Variants in TSPAN9 observed in about 807,000 individuals in gnomAD.
The protein encoded by TSPAN9 is tetraspanin 9.
A neutral mutation model predicts 31.0 loss-of-function variants in TSPAN9; 16 were observed. The observed-to-expected ratio is 0.52, with a 90% CI of 0.35 to 0.78. TSPAN9 has a LOEUF of 0.78. TSPAN9 is among the 30% of genes least tolerant of loss of function. TSPAN9 has a pLI of 0.01. For missense variants in TSPAN9, 272 were observed against 312.5 expected, an observed-to-expected ratio of 0.87 and a Z score of 0.98; for synonymous variants, 145 against 121.6, an observed-to-expected ratio of 1.19 and a Z score of -1.27.
At chr12:3,174,874 A>C (rs112951387) in intron 2 of TSPAN9, among the ~76,000 whole-genome samples, 1 of 151,848 alleles carries the variant, frequency 6.6e-6, no homozygotes, top group African/African-American at 2.4e-5. Flanking sequence ...GAGCCACCGC[A>C]CCCGGCCTCA....
Position 3,226,761 on chromosome 12 carries a change from TATATATATATATATATATATATATATA to T in TSPAN9, c.63+25506_63+25532del, listed in dbSNP as rs1565622479. 5.0e-3 allele frequency among the ~76,000 whole-genome samples: 9 copies of T among 1,784 alleles called. 2 individuals carry two copies. Among genetic ancestry groups the T allele is most frequent in the Non-Finnish European group, 6.5e-3 (5 of 764 alleles). 1.2% of individuals were successfully genotyped at this position (1,784 alleles called of 152,430 possible). ...GTGTGTGTGTATATATATATATATA[TATATATATATATATATATATATATATA>T]TATATATTTTTTTTTTTTTTTCCCT... is the stretch of plus-strand genomic sequence containing the variant. On this transcript the variant is annotated intron_variant, in intron 3 of 8. Coordinates refer to ENST00000011898, the MANE Select transcript of TSPAN9 (RefSeq NM_006675.5).
chr12:3,194,121 C>T (rs371025176), intron 2 of TSPAN9, among the ~76,000 whole-genome samples: 4 of 152,304 alleles, frequency 2.6e-5, no homozygotes, highest in African/African-American at 7.2e-5. Context: ...CTTTCCCCTC[C>T]GTCCTCCAGC....
intron 2 of TSPAN9, among the ~76,000 whole-genome samples, chr12:3,145,562 G>T (rs1333254113): frequency 5.3e-5 from 8 of 152,188 alleles, no homozygotes; most frequent in Non-Finnish European, 1.2e-4. Context: ...TGAGTCCCAG[G>T]TGAAGAGAAA....
chr12:3,138,444 C>T (rs1046241403), intron 2 of TSPAN9, among the ~76,000 whole-genome samples: 2 of 151,462 alleles, frequency 1.3e-5, no homozygotes, highest in Non-Finnish European at 2.9e-5. Context: ...TGTCTCCTCG[C>T]TGGGCTCTCT....
intron 3 of TSPAN9, among the ~76,000 whole-genome samples, chr12:3,239,604 A>C (rs536553196): frequency 6.6e-6 from 1 of 152,216 alleles, no homozygotes; most frequent in Non-Finnish European, 1.5e-5. Context: ...TTTTAGAAGT[A>C]GAAAGTCTCT....
Position 3,118,151 on chromosome 12 carries a change from AGCATGTAGAACCCCCCCG to A in TSPAN9, c.-18+34443_-18+34460del, listed in dbSNP as rs1444858541. Among the ~76,000 whole-genome samples the A allele has an allele frequency of 4.0e-5, 6 of 151,576 alleles. No individual in the cohort carries two copies. In the East Asian group the frequency reaches 7.8e-4, roughly 20 times the overall value. On this transcript the variant is annotated intron_variant, in intron 2 of 8. Coordinates refer to ENST00000011898, the MANE Select transcript of TSPAN9 (RefSeq NM_006675.5). ...AAATGTGAAGTGAGTTGATACGTGA[AGCATGTAGAACCCCCCCG>A]GCATGTAGAAAATCCTCATCCTCAT...
intron 2 of TSPAN9, among the ~76,000 whole-genome samples, chr12:3,191,610 G>A (rs12299586): frequency 0.039 from 5,879 of 152,196 alleles, 370 homozygotes; most frequent in African/African-American, 0.13. Flanking sequence ...GGAAAGCCCC[G>A]GAAGCCCTCC....
intron 3 of TSPAN9, among the ~76,000 whole-genome samples, chr12:3,240,842 A>G (rs543787135): frequency 5.5e-4 from 84 of 152,298 alleles, no homozygotes; most frequent in African/African-American, 2.0e-3. Context: ...CTGTTGCTGT[A>G]ATTAGGTCTG....
At position 3,280,967 on chromosome 12, in the gene TSPAN9, G is replaced by A. The variant is rs1206667048; in HGVS notation, c.433-231G>A. 6.6e-6 allele frequency among the ~76,000 whole-genome samples: 1 copy of A among 152,186 alleles called. No individual in the cohort carries two copies. Among genetic ancestry groups the A allele is most frequent in the Non-Finnish European group, 1.5e-5 (1 of 68,022 alleles). On this transcript the variant is annotated intron_variant, in intron 6 of 8. Coordinates refer to ENST00000011898, the MANE Select transcript of TSPAN9 (RefSeq NM_006675.5). The surrounding 1 kb of genome is among the most constrained non-coding windows in gnomAD (Gnocchi z 4.5). Reference sequence around the variant, plus strand: ...CCAAGGGGCCCAGCCCGAGGGGTGGGCTGCATTGCCCTCTCCCGCTCTGGT... The same window carrying A: ...CCAAGGGGCCCAGCCCGAGGGGTGGACTGCATTGCCCTCTCCCGCTCTGGT...
intron 3 of TSPAN9, among the ~76,000 whole-genome samples, chr12:3,224,707 G>T (rs1241555623): frequency 6.6e-6 from 1 of 152,250 alleles, no homozygotes; most frequent in Non-Finnish European, 1.5e-5. Flanking sequence ...CACGTACTGC[G>T]CCAGGGTGGC....
At chr12:3,103,967 C>A (rs993251409) in intron 2 of TSPAN9, among the ~76,000 whole-genome samples, 1 of 151,970 alleles carries the variant, frequency 6.6e-6, no homozygotes, top group African/African-American at 2.4e-5. Context: ...CAGGGCGGGA[C>A]GGGAGGATGA....
At chr12:3,104,821 C>A (rs898364752) in intron 2 of TSPAN9, among the ~76,000 whole-genome samples, 1 of 152,232 alleles carries the variant, frequency 6.6e-6, no homozygotes, top group African/African-American at 2.4e-5. Context: ...GTGGTGGAGC[C>A]AGCTGTCAGC....
chr12:3,149,311 T>C (rs2098338790), intron 2 of TSPAN9, among the ~76,000 whole-genome samples: 1 of 152,056 alleles, frequency 6.6e-6, no homozygotes, highest in African/African-American at 2.4e-5. Context: ...GATGGGTGTA[T>C]TTTGTCCTCC....
intron 3 of TSPAN9, among the ~76,000 whole-genome samples, chr12:3,265,682 C>G (rs1050230755): frequency 6.6e-6 from 1 of 152,168 alleles, no homozygotes; most frequent in Non-Finnish European, 1.5e-5. Context: ...GGCTGTGTGT[C>G]TGGGTCCCTC....
intron 3 of TSPAN9, among the ~76,000 whole-genome samples, chr12:3,274,696 T>C (rs1862750943): frequency 6.6e-6 from 1 of 152,222 alleles, no homozygotes. Flanking sequence ...CCTTTGTGTT[T>C]TCTTCTTGCC....
chr12:3,203,053 C>G (rs1345617480), intron 3 of TSPAN9, among the ~76,000 whole-genome samples: 3 of 152,142 alleles, frequency 2.0e-5, no homozygotes, highest in South Asian at 4.1e-4. Flanking sequence ...TCTCAACTTA[C>G]CTTTTTGTTT....
intron 1 of TSPAN9, among the ~76,000 whole-genome samples, chr12:3,078,348 A>G (rs1431548955): frequency 6.6e-6 from 1 of 152,172 alleles, no homozygotes; most frequent in African/African-American, 2.4e-5. Context: ...GGGGTGACTC[A>G]GGTATTTCCT....
chr12:3,140,394 CAT>C lies in TSPAN9; in HGVS notation c.-18+56676_-18+56677del, dbSNP rs1383295566. Among the ~76,000 whole-genome samples, 4 of 152,198 alleles carry C rather than the reference CAT, an allele frequency of 2.6e-5. No individual in the cohort carries two copies. In the East Asian group the frequency reaches 5.8e-4, roughly 22 times the overall value. ...GTGTTGTTGAAATCTGGAGGAGAGT[CAT>C]GTGTGGTGCGAAACAGGTCACAGTA... On this transcript the variant is annotated intron_variant, in intron 2 of 8. Transcript: ENST00000011898.
chr12:3,258,102 G>A (rs1280512234), intron 3 of TSPAN9, among the ~76,000 whole-genome samples: 1 of 152,188 alleles, frequency 6.6e-6, no homozygotes, highest in Non-Finnish European at 1.5e-5. Context: ...ATGGGCAGTG[G>A]GTGCCAGTGA....
Sources: allele counts gnomAD v4.1 joint callset (sites outside exome capture counted in the v4.1 genomes callset), GRCh38; gene constraint gnomAD v4.1.1; non-coding constraint Gnocchi (gnomAD v3.1); transcripts MANE v1.5; gene names NCBI Gene and HGNC (gene_info 2026-07-23, HGNC 2026-07-21).